Variants in ZMYM4 observed in about 807,000 individuals in gnomAD.
ZMYM4 encodes the protein zinc finger MYM-type containing 4.
ZMYM4 carries 31 observed loss-of-function variants against 183.2 expected under a neutral mutation model. That is an observed-to-expected ratio of 0.17 (90% CI 0.13 to 0.23). The LOEUF is 0.23. ZMYM4 is among the 10% of genes least tolerant of loss of function. The pLI is 1.00. For synonymous variants in ZMYM4, 592 were observed against 631.2 expected (o/e 0.94, Z 0.93); for missense variants, 1,273 against 1,840.3 (o/e 0.69, Z 5.64).
intron 2 of ZMYM4, among the ~76,000 whole-genome samples, chr1:35,351,898 C>T (rs1570414583): frequency 6.6e-6 from 1 of 152,128 alleles, no homozygotes; most frequent in South Asian, 2.1e-4. Context: ...AATTTGCTTT[C>T]ATTATAAAAC....
chr1:35,322,659 C>T (rs1642332239), intron 1 of ZMYM4, among the ~76,000 whole-genome samples: 2 of 152,072 alleles, frequency 1.3e-5, no homozygotes, highest in Admixed American at 6.6e-5. Flanking sequence ...AGACAGGTGT[C>T]GTAGGCAGCA....
intron 4 of ZMYM4, 125 bp from the exon 5 acceptor site, chr1:35,361,493 AG>A: frequency 1.7e-6 from 2 of 1,151,112 alleles, no homozygotes; most frequent in Non-Finnish European, 2.4e-6. Flanking sequence ...CGTAGGCATA[AG>A]ATCCAAAAGC....
chr1:35,325,762 GT>G (rs746045894), intron 2 of ZMYM4, among the ~76,000 whole-genome samples: 9 of 151,716 alleles, frequency 5.9e-5, no homozygotes, highest in Non-Finnish European at 1.2e-4. Flanking sequence ...GAAATAATTT[GT>G]TTTTTATGAT....
In ZMYM4 at chr1:35,413,710, C is replaced by G. The variant is rs76434382; in HGVS notation, c.3949-262C>G. 4.0e-3 allele frequency among the ~76,000 whole-genome samples: 605 copies of G among 152,318 alleles called. 2 individuals carry two copies. Among genetic ancestry groups the G allele is most frequent in the African/African-American group, 0.014 (569 of 41,568 alleles). On this transcript the variant is annotated intron_variant, in intron 26 of 29. Coordinates refer to ENST00000314607, the MANE Select transcript of ZMYM4 (RefSeq NM_005095.3). ...TAAAGGGTTCTTCATAATACTTCTT[C>G]TGTACCATCCGTGTTTGAAAACGAA...
At chr1:35,345,885 T>C (rs75573026) in intron 2 of ZMYM4, among the ~76,000 whole-genome samples, 117 of 152,382 alleles carry the variant, frequency 7.7e-4, no homozygotes, top group African/African-American at 2.7e-3. Context: ...GCAATCAGTC[T>C]GTAGAATGCT....
At chr1:35,342,312 T>G (rs929572170) in intron 2 of ZMYM4, among the ~76,000 whole-genome samples, 2 of 151,624 alleles carry the variant, frequency 1.3e-5, no homozygotes, top group Non-Finnish European at 2.9e-5. Flanking sequence ...GTGCCACCAT[T>G]CCTGGCAATT....
intron 2 of ZMYM4, among the ~76,000 whole-genome samples, chr1:35,335,345 T>A (rs1642927325): frequency 6.6e-6 from 1 of 152,012 alleles, no homozygotes. Context: ...CAAGTGATTC[T>A]CCTGCCTCAG....
At chr1:35,296,843 C>CTTTCTTTTTTTTTTTTTTTTT (rs1553163901) in intron 1 of ZMYM4, among the ~76,000 whole-genome samples, 3 of 95,626 alleles carry the variant, frequency 3.1e-5, no homozygotes, top group Admixed American at 1.3e-4. Flanking sequence ...TTCTTTCTTT[C>CTTTCTTTTTTTTTTTTTTTTT]TTTTTTTTTT....
At chr1:35,290,087 C>T (rs1341258974) in intron 1 of ZMYM4, among the ~76,000 whole-genome samples, 1 of 152,032 alleles carries the variant, frequency 6.6e-6, no homozygotes, top group Non-Finnish European at 1.5e-5. Flanking sequence ...CCCACCTCAG[C>T]CTCTGAAGTA....
At chr1:35,308,062 G>C (rs936956582) in intron 1 of ZMYM4, among the ~76,000 whole-genome samples, 4 of 152,066 alleles carry the variant, frequency 2.6e-5, no homozygotes, top group Non-Finnish European at 5.9e-5. Context: ...CTCAATCTTG[G>C]CTCACTGCAA....
chr1:35,337,376 A>G (rs1643018863), intron 2 of ZMYM4, among the ~76,000 whole-genome samples: 1 of 152,190 alleles, frequency 6.6e-6, no homozygotes, highest in Admixed American at 6.5e-5. Flanking sequence ...ATATATGTAT[A>G]TAGTAAATCC....
chr1:35,398,744 A>G (rs1644851383), intron 21 of ZMYM4, 120 bp from the exon 22 acceptor site: 1 of 994,748 alleles, frequency 1.0e-6, no homozygotes, highest in Non-Finnish European at 1.5e-6. Context: ...GAGTGTACCT[A>G]GGTAATTGTC....
At chr1:35,296,843 C>CTTTTTTTTTTTTTTTTTTTTTT (rs780202714) in intron 1 of ZMYM4, among the ~76,000 whole-genome samples, 3 of 95,626 alleles carry the variant, frequency 3.1e-5, no homozygotes, top group Non-Finnish European at 5.5e-5. Context: ...TTCTTTCTTT[C>CTTTTTTTTTTTTTTTTTTTTTT]TTTTTTTTTT....
rs1640278063 is a variant in ZMYM4, at chr1:35,420,166, A to T, written c.*489A>T. The T allele has an allele frequency of 1.3e-5, 2 of 158,218 alleles. No individual in the cohort carries two copies. Among genetic ancestry groups the T allele is most frequent in the Admixed American group, 6.0e-5 (1 of 16,688 alleles). The allele number at this position is 158,218 out of a possible 1,614,324, so 9.8% of individuals were successfully genotyped here. A position where few individuals can be genotyped will look rare whatever the true frequency, so the allele number is the denominator to read the frequency against. ...ACCCAGATTTGAAGACCCAATAAAA[A>T]TACTCAACTTTTTAAAAAAGATAGT... On this transcript the variant is annotated 3_prime_UTR_variant, in exon 30 of 30. Transcript: ENST00000314607.
chr1:35,399,299 G>A (rs1468039623), intron 22 of ZMYM4, among the ~76,000 whole-genome samples, 183 bp from the exon 23 acceptor site: 1 of 152,028 alleles, frequency 6.6e-6, no homozygotes, highest in East Asian at 1.9e-4. Flanking sequence ...TTTCCTGATT[G>A]TTAATGAAGT....
At chr1:35,345,570 T>G (rs1643362833) in intron 2 of ZMYM4, among the ~76,000 whole-genome samples, 1 of 152,016 alleles carries the variant, frequency 6.6e-6, no homozygotes, top group African/African-American at 2.4e-5. Context: ...TTCTCCGGCC[T>G]CAGCTTCCTG....
chr1:35,418,707 G>A (rs1399906910), intron 29 of ZMYM4, 135 bp downstream of exon 29: 4 of 1,081,094 alleles, frequency 3.7e-6, no homozygotes, highest in African/African-American at 1.6e-5. Context: ...TTTCCCCATT[G>A]TCATATCTAT....
intron 1 of ZMYM4, among the ~76,000 whole-genome samples, chr1:35,296,635 G>A (rs1641025709): frequency 6.6e-6 from 1 of 152,084 alleles, no homozygotes; most frequent in Admixed American, 6.6e-5. Flanking sequence ...TGATGAGAAT[G>A]AACGTCCTCC....
At chr1:35,369,545 A>G (rs1033229551) in intron 5 of ZMYM4, among the ~76,000 whole-genome samples, 5 of 152,238 alleles carry the variant, frequency 3.3e-5, no homozygotes, top group South Asian at 4.1e-4. Flanking sequence ...TAAGAATGGT[A>G]TATTTAATAT....
Sources: gnomAD v4.1 joint callset for allele counts (sites outside exome capture counted in the v4.1 genomes callset) on GRCh38, gnomAD v4.1.1 for gene constraint, MANE v1.5 for transcripts, NCBI Gene and HGNC (gene_info 2026-07-23, HGNC 2026-07-21) for gene names.